SLCO5A1: variants seen among roughly 807,000 people sequenced by gnomAD.
The protein encoded by SLCO5A1 is solute carrier organic anion transporter family member 5A1, also known as organic anion transporter polypeptide-related protein 4.
A neutral mutation model predicts 65.1 loss-of-function variants in SLCO5A1; 39 were observed. The observed-to-expected ratio is 0.60, with a 90% CI of 0.46 to 0.78. The LOEUF (loss-of-function observed/expected upper bound fraction) is 0.78. SLCO5A1 is among the 30% of genes least tolerant of loss of function. The probability of loss-of-function intolerance (pLI) is 0.00; values close to 1 mark genes in which losing one functional copy is unlikely to be tolerated. For synonymous variants in SLCO5A1, 438 were observed against 415.7 expected, an observed-to-expected ratio of 1.05 and a Z score of -0.65; for missense variants, 1,029 against 1,069.4, an observed-to-expected ratio of 0.96 and a Z score of 0.53.
chr8:69,713,481 G>A (rs1193693005), intron 5 of SLCO5A1: 1 of 151,434 alleles, frequency 6.6e-6, no homozygotes, highest in Non-Finnish European at 1.5e-5. Context: ...TTTTTTGTGT[G>A]TGTGCAAGTG....
At chr8:69,803,784 T>C (rs945883414) in intron 2 of SLCO5A1, among the ~76,000 whole-genome samples, 8 of 152,038 alleles carry the variant, frequency 5.3e-5, no homozygotes, top group Non-Finnish European at 2.9e-5. Flanking sequence ...GGCCAGGAGT[T>C]CAAGACCACC....
intron 2 of SLCO5A1, among the ~76,000 whole-genome samples, chr8:69,791,655 T>C (rs1819276624): frequency 6.6e-6 from 1 of 152,214 alleles, no homozygotes; most frequent in East Asian, 1.9e-4. Context: ...TGGAGACGAC[T>C]GAGAAATAGT....
intron 2 of SLCO5A1, among the ~76,000 whole-genome samples, chr8:69,796,197 T>C (rs933786121): frequency 6.6e-6 from 1 of 152,156 alleles, no homozygotes; most frequent in African/African-American, 2.4e-5. Flanking sequence ...TACTTTTAAC[T>C]ATGAAAATTT....
chr8:69,714,159 C>A (rs1815405607), intron 5 of SLCO5A1, among the ~76,000 whole-genome samples: 1 of 152,184 alleles, frequency 6.6e-6, no homozygotes. Flanking sequence ...AAAATTTCAG[C>A]AATCCCTTCA....
chr8:69,752,587 A>C (rs1414221007), intron 4 of SLCO5A1, among the ~76,000 whole-genome samples: 1 of 152,252 alleles, frequency 6.6e-6, no homozygotes. Context: ...AAATGAATTA[A>C]TTTTAAATAT....
intron 2 of SLCO5A1, among the ~76,000 whole-genome samples, chr8:69,816,385 A>G (rs1820410092): frequency 6.6e-6 from 1 of 152,214 alleles, no homozygotes; most frequent in Admixed American, 6.5e-5. Context: ...TTCCACAGGA[A>G]CTGAAGTGAA....
intron 2 of SLCO5A1, among the ~76,000 whole-genome samples, chr8:69,821,567 G>C (rs1028157034): frequency 6.6e-6 from 1 of 152,104 alleles, no homozygotes; most frequent in African/African-American, 2.4e-5. Context: ...CCAGCACTTT[G>C]GGAGGCTGAG....
At chr8:69,831,265 G>A (rs200435455) in intron 2 of SLCO5A1, among the ~76,000 whole-genome samples, 211 of 139,824 alleles carry the variant, frequency 1.5e-3, no homozygotes, top group Middle Eastern at 3.6e-3. Flanking sequence ...ATCTTAAAAA[G>A]AAAAAAAAAA....
intron 2 of SLCO5A1, among the ~76,000 whole-genome samples, chr8:69,807,775 C>T (rs569176848): frequency 1.3e-5 from 2 of 152,198 alleles, no homozygotes; most frequent in African/African-American, 2.4e-5. Flanking sequence ...GCGATCTCGG[C>T]TCACTGCAAA....
Position 69,804,105 on chromosome 8 carries a change from T to C in SLCO5A1, c.907+27662A>G, listed in dbSNP as rs1167771151. 2.6e-5 allele frequency among the ~76,000 whole-genome samples: 4 copies of C among 152,226 alleles called. No individual in the cohort carries two copies. The East Asian group carries it at 7.7e-4, about 29-fold the overall frequency. ...GGTTAGGAAAGAGTTGCCTTCCTTG[T>C]GGGAGCAAGCGAGAGACCATGCAAA... On this transcript the variant is annotated intron_variant, in intron 2 of 9. Transcript: ENST00000260126.
rs1310872132 is a variant in SLCO5A1 at position 69,673,133 on chromosome 8, T to C, written c.2283A>G (p.Lys761=). The part of the protein sequence containing the change: ...IFIFLAWYSI[K]YKEDGLQRRR... ...GCCTCTGCAGTCCATCCTCCTTGTA[T>C]TTTATGGAGTACCAGGCCAGAAAAA... The change falls in exon 10 of 10, where the codon AAA becomes AAG. Residue 761 remains lysine, a synonymous_variant. Coordinates refer to ENST00000260126, the MANE Select transcript of SLCO5A1 (RefSeq NM_030958.3). 22 of 1,614,146 alleles carry C rather than the reference T, an allele frequency of 1.4e-5. No individual in the cohort carries two copies. Among genetic ancestry groups the C allele is most frequent in the Non-Finnish European group, 1.8e-5 (21 of 1,180,054 alleles).
chr8:69,817,771 C>A (rs180980372), intron 2 of SLCO5A1, among the ~76,000 whole-genome samples: 198 of 152,284 alleles, frequency 1.3e-3, no homozygotes, highest in African/African-American at 4.3e-3. Flanking sequence ...ACTTCTGATC[C>A]TTATTCTCCA....
intron 6 of SLCO5A1, among the ~76,000 whole-genome samples, chr8:69,689,385 T>G (rs1258262567): frequency 9.7e-6 from 1 of 102,674 alleles, no homozygotes; most frequent in Non-Finnish European, 1.9e-5. Flanking sequence ...GCCATTGCTT[T>G]TGGTGTTTTA....
chr8:69,710,168 GCAAC>G, intron 5 of SLCO5A1, among the ~76,000 whole-genome samples: 1 of 151,898 alleles, frequency 6.6e-6, no homozygotes, highest in East Asian at 1.9e-4. Context: ...GCAGGCGCTG[GCAAC>G]CACGACCGGC....
At chr8:69,830,359 T>A (rs1821106516) in intron 2 of SLCO5A1, among the ~76,000 whole-genome samples, 1 of 152,158 alleles carries the variant, frequency 6.6e-6, no homozygotes, top group Non-Finnish European at 1.5e-5. Flanking sequence ...TGCTTATTTA[T>A]CATTTTAATT....
intron 8 of SLCO5A1, among the ~76,000 whole-genome samples, chr8:69,677,312 T>G (rs889087796): frequency 2.0e-5 from 3 of 152,202 alleles, no homozygotes; most frequent in African/African-American, 7.2e-5. Flanking sequence ...TAGCAAAGAT[T>G]AAAGGGCTCC....
chr8:69,798,325 C>A (rs986306917), intron 2 of SLCO5A1, among the ~76,000 whole-genome samples: 1 of 152,110 alleles, frequency 6.6e-6, no homozygotes, highest in Non-Finnish European at 1.5e-5. Flanking sequence ...TAAAGAAATA[C>A]CTGAGACTGG....
chr8:69,795,360 A>G (rs1819446240), intron 2 of SLCO5A1, among the ~76,000 whole-genome samples: 1 of 152,240 alleles, frequency 6.6e-6, no homozygotes, highest in Non-Finnish European at 1.5e-5. Context: ...GGGTACAAGA[A>G]TTGGGTAAAT....
chr8:69,783,138 T>G (rs1818870812), intron 2 of SLCO5A1, among the ~76,000 whole-genome samples: 1 of 152,178 alleles, frequency 6.6e-6, no homozygotes, highest in Non-Finnish European at 1.5e-5. Flanking sequence ...ACTTCTATTA[T>G]TATATATAAC....
Sources: gnomAD v4.1 joint callset for allele counts (sites outside exome capture counted in the v4.1 genomes callset) on GRCh38, gnomAD v4.1.1 for gene constraint, MANE v1.5 for transcripts, NCBI Gene and HGNC (gene_info 2026-07-23, HGNC 2026-07-21) for gene names.